Variants in ACSBG1 observed in about 807,000 individuals in gnomAD.
ACSBG1 encodes the protein long-chain-fatty-acid--CoA ligase ACSBG1.
Under a neutral mutation model 80.2 loss-of-function variants are expected in ACSBG1, and 39 were observed. The ratio of observed to expected loss-of-function variants is 0.49; its 90% CI spans 0.38 to 0.64. The LOEUF is 0.64. ACSBG1 is among the 30% of genes least tolerant of loss of function. ACSBG1 has a pLI of 0.00. For missense variants in ACSBG1, 828 were observed against 966.4 expected (o/e 0.86, Z 1.90); for synonymous variants, 392 against 379.5 (o/e 1.03, Z -0.38).
intron 5 of ACSBG1, 61 bp from the exon 6 acceptor site, chr15:78,182,846 A>AC: frequency 6.3e-7 from 1 of 1,578,666 alleles, no homozygotes; most frequent in Non-Finnish European, 8.7e-7. Context: ...TCTAAAAAGT[A>AC]CCCCATCTCC....
chr15:78,187,811 G>C (rs1595886007), intron 5 of ACSBG1, among the ~76,000 whole-genome samples: 1 of 152,142 alleles, frequency 6.6e-6, no homozygotes, highest in South Asian at 2.1e-4. Flanking sequence ...CATTGTGTTG[G>C]AAGTTCTGGC....
At chr15:78,181,416 G>C (rs1285226346) in intron 8 of ACSBG1, among the ~76,000 whole-genome samples, 1 of 151,930 alleles carries the variant, frequency 6.6e-6, no homozygotes, top group African/African-American at 2.4e-5. Context: ...ATACTCTGAG[G>C]ATGCCCGTCC....
At chr15:78,226,950 T>C (rs1206721968) in intron 1 of ACSBG1, among the ~76,000 whole-genome samples, 1 of 150,348 alleles carries the variant, frequency 6.7e-6, no homozygotes, top group Non-Finnish European at 1.5e-5. Context: ...CCAGGGGTGG[T>C]GGCTCACACC....
intron 2 of ACSBG1, 39 bp downstream of exon 2, chr15:78,207,949 AGCACAGCACAGTTT>A: frequency 2.3e-6 from 1 of 431,738 alleles, no homozygotes; most frequent in Admixed American, 2.6e-5. Context: ...CAGCACACCC[AGCACAGCACAGTTT>A]CCCGCCCTGC....
chr15:78,180,016 TCAAA>T (rs1240885213), intron 9 of ACSBG1, among the ~76,000 whole-genome samples: 1 of 151,992 alleles, frequency 6.6e-6, no homozygotes, highest in Admixed American at 6.5e-5. Context: ...ACCCAGGAAG[TCAAA>T]CAGATTCAGC....
At chr15:78,192,251 C>T (rs754323265) in intron 5 of ACSBG1, among the ~76,000 whole-genome samples, 5 of 152,048 alleles carry the variant, frequency 3.3e-5, no homozygotes, top group Non-Finnish European at 7.4e-5. Context: ...TAAGAGTTAC[C>T]CTCATACCAG....
intron 5 of ACSBG1, 136 bp from the exon 6 acceptor site, chr15:78,182,921 C>A (rs1382164708): frequency 7.1e-6 from 6 of 840,326 alleles, no homozygotes; most frequent in South Asian, 3.1e-5. Context: ...CCCAGCAGGA[C>A]AACTGCCACC....
rs943000343 is a variant in ACSBG1, at chr15:78,182,296, C to G, written c.895-151G>C. The G allele has an allele frequency of 1.9e-5, 25 of 1,318,724 alleles. No homozygotes were observed. The East Asian group carries it at 3.0e-4, about 16-fold the overall frequency. 81.7% of individuals were successfully genotyped at this position (1,318,724 alleles called of 1,614,324 possible). ...AACCCCAGGACAGGCCTCCCCTCCCCCTTGCTGAGCTCAGTCTGGGCCACA... is the reference window on the plus strand; with the variant it reads ...AACCCCAGGACAGGCCTCCCCTCCCGCTTGCTGAGCTCAGTCTGGGCCACA... On this transcript the variant is annotated intron_variant, in intron 7 of 13. Coordinates refer to ENST00000258873, the MANE Select transcript of ACSBG1 (RefSeq NM_015162.5).
intron 5 of ACSBG1, among the ~76,000 whole-genome samples, chr15:78,190,861 G>A (rs1397596091): frequency 6.6e-6 from 1 of 150,560 alleles, no homozygotes; most frequent in Admixed American, 6.6e-5. Flanking sequence ...AAGACCAAAA[G>A]AAAACAAGAT....
chr15:78,176,266 G>A (rs1049894807), intron 11 of ACSBG1, among the ~76,000 whole-genome samples: 13 of 152,030 alleles, frequency 8.6e-5, no homozygotes, highest in South Asian at 4.1e-4. Flanking sequence ...AACAAAACAA[G>A]GATGACCACT....
At chr15:78,197,746 G>GAC (rs2075128579) in intron 2 of ACSBG1, among the ~76,000 whole-genome samples, 1 of 100,658 alleles carries the variant, frequency 9.9e-6, no homozygotes, top group Non-Finnish European at 2.1e-5. Flanking sequence ...AAAAAAAATA[G>GAC]AATGTTGACC....
At chr15:78,185,054 A>G (rs781297917) in intron 5 of ACSBG1, among the ~76,000 whole-genome samples, 31 of 5,464 alleles carry the variant, frequency 5.7e-3, no homozygotes, top group Admixed American at 7.9e-3. Context: ...GAGGGGAGGG[A>G]GAGAGAGAGA....
intron 2 of ACSBG1, among the ~76,000 whole-genome samples, chr15:78,206,605 G>A (rs1011173): frequency 0.12 from 18,194 of 151,932 alleles, 1,211 homozygotes; most frequent in Middle Eastern, 0.22. Context: ...GCCCTGCCTC[G>A]CCATTAAACT....
At position 78,171,362 on chromosome 15, in the gene ACSBG1, C is replaced by CA; in HGVS notation, c.*81dup. 8.3e-7 allele frequency: 1 copy of CA among 1,201,772 alleles called. No individual in the cohort carries two copies. Among genetic ancestry groups the CA allele is most frequent in the South Asian group, 1.3e-5 (1 of 76,076 alleles). 74.4% of individuals were successfully genotyped at this position (1,201,772 alleles called of 1,614,324 possible). A position where few individuals can be genotyped will look rare whatever the true frequency, so the allele number is the denominator to read the frequency against. On this transcript the variant is annotated 3_prime_UTR_variant, in exon 14 of 14. Coordinates refer to ENST00000258873, the MANE Select transcript of ACSBG1 (RefSeq NM_015162.5). ...CAGACTTGGCAGAAATGCCTGTGCC[C>CA]AGACTGAAGAGACCTGGGGCTCAGG...
At chr15:78,206,337 C>T (rs1484740899) in intron 2 of ACSBG1, among the ~76,000 whole-genome samples, 1 of 152,222 alleles carries the variant, frequency 6.6e-6, no homozygotes, top group Admixed American at 6.5e-5. Context: ...AAGAGGCCCA[C>T]CTTGCCCCCA....
intron 1 of ACSBG1, among the ~76,000 whole-genome samples, chr15:78,211,485 C>T (rs984762011): frequency 6.6e-5 from 10 of 152,348 alleles, no homozygotes; most frequent in Admixed American, 3.9e-4. Flanking sequence ...CCTTTTCACT[C>T]GTCTTTGAGG....
In ACSBG1 at chr15:78,209,608, T is replaced by C. The variant is rs116885290; in HGVS notation, c.132-1506A>G. Among the ~76,000 whole-genome samples the C allele has an allele frequency of 5.1e-4, 77 of 152,260 alleles. No homozygotes were observed. In the East Asian group the frequency reaches 0.013, roughly 25 times the overall value. ...GGCCGCAATGTTACCAAATGGCCCCTGAGCTCTGGGTTCAGGCAGCGACGG... is the reference window on the plus strand; with the variant it reads ...GGCCGCAATGTTACCAAATGGCCCCCGAGCTCTGGGTTCAGGCAGCGACGG... On this transcript the variant is annotated intron_variant, in intron 1 of 13. Coordinates refer to ENST00000258873, the MANE Select transcript of ACSBG1 (RefSeq NM_015162.5).
At position 78,168,770 on chromosome 15, in the gene ACSBG1, G is replaced by T. The variant is rs1157514862; in HGVS notation, c.*2674C>A. 2 of 624,988 alleles carry T rather than the reference G, an allele frequency of 3.2e-6. No homozygotes were observed. 38.7% of individuals were successfully genotyped at this position (624,988 alleles called of 1,614,324 possible). A position where few individuals can be genotyped will look rare whatever the true frequency, so the allele number is the denominator to read the frequency against. The stretch of plus-strand genomic sequence containing the variant: ...GATCCTCCTGGGCTGGGTAGATGGT[G>T]GTGGAGTGGTTCCTCACTTTGAAAT... On this transcript the variant is annotated 3_prime_UTR_variant, in exon 14 of 14. Transcript: ENST00000258873.
chr15:78,193,943 T>C lies in ACSBG1; in HGVS notation c.531A>G (p.Thr177=), dbSNP rs139324321. Residue 177 remains threonine, a synonymous_variant, in exon 4 of 14, where the codon ACA becomes ACG. Transcript: ENST00000258873. ...SPEWFFSAVG[T]VFAGGIVTGI... is the part of the protein sequence containing the mutation. ...CCCCCGCCACTCACCCTGCAAATAC[T>C]GTGCCCACTGCCGAGAAGAACCACT... 7 of 1,613,484 alleles carry C rather than the reference T, an allele frequency of 4.3e-6. No homozygotes were observed. The Admixed American group carries it at 6.7e-5, about 15-fold the overall frequency.
Sources: gnomAD v4.1 joint callset for allele counts (sites outside exome capture counted in the v4.1 genomes callset) on GRCh38, gnomAD v4.1.1 for gene constraint, MANE v1.5 for transcripts, NCBI Gene and HGNC (gene_info 2026-07-23, HGNC 2026-07-21) for gene names.